The following DYNLL1 variants were observed in gnomAD, a reference collection of about 807,000 sequenced individuals.
The protein encoded by DYNLL1 is dynein light chain LC8-type 1.
Under a neutral mutation model 10.1 loss-of-function variants are expected in DYNLL1, and 3 were observed. The observed-to-expected ratio is 0.30, with a 90% CI of 0.14 to 0.77. DYNLL1 has a LOEUF of 0.77. DYNLL1 is among the 30% of genes least tolerant of loss of function. The pLI is 0.66. For synonymous variants in DYNLL1, 46 were observed against 41.2 expected (o/e 1.12, Z -0.45); for missense variants, 47 against 111.7 (o/e 0.42, Z 2.61).
chr12:120,485,879 T>C (rs1028841304), intron 1 of DYNLL1, among the ~76,000 whole-genome samples: 1 of 148,576 alleles, frequency 6.7e-6, no homozygotes, highest in South Asian at 2.2e-4. Context: ...TACAGTGTGA[T>C]AGGTATTATA....
chr12:120,482,576 C>G (rs911089117), intron 1 of DYNLL1, among the ~76,000 whole-genome samples: 1 of 152,066 alleles, frequency 6.6e-6, no homozygotes, highest in African/African-American at 2.4e-5. Context: ...CCTGCCTCGG[C>G]CTCCCAAAGT....
At chr12:120,482,094 C>T (rs964121971) in intron 1 of DYNLL1, among the ~76,000 whole-genome samples, 1 of 152,142 alleles carries the variant, frequency 6.6e-6, no homozygotes, top group Non-Finnish European at 1.5e-5. Flanking sequence ...AAAGTTTTTC[C>T]TCCCAGACAC....
intron 1 of DYNLL1, among the ~76,000 whole-genome samples, chr12:120,471,440 A>G (rs1266777239): frequency 1.5e-4 from 23 of 152,196 alleles, no homozygotes; most frequent in African/African-American, 5.5e-4. Flanking sequence ...ATCAGAAGGT[A>G]GTTGATTTCT....
chr12:120,480,784 C>T (rs981427883), intron 1 of DYNLL1, among the ~76,000 whole-genome samples: 13 of 147,386 alleles, frequency 8.8e-5, no homozygotes, highest in East Asian at 2.0e-4. Flanking sequence ...TTTTTTGAGA[C>T]GGAGTCTCGC....
upstream of DYNLL1, chr12:120,495,557 C>A (rs1410177608): frequency 6.6e-6 from 1 of 152,174 alleles, no homozygotes. Context: ...ACGTAAGGGT[C>A]CCTCCTGTGA....
chr12:120,496,610 G>C, intron 2 of DYNLL1, 57 bp downstream of exon 2: 2 of 1,613,550 alleles, frequency 1.2e-6, no homozygotes, highest in African/African-American at 1.3e-5. Flanking sequence ...CCTTCCCCCC[G>C]ATCCTGCTTT....
chr12:120,479,876 CAT>C (rs1425897700), intron 1 of DYNLL1, among the ~76,000 whole-genome samples: 7 of 152,174 alleles, frequency 4.6e-5, no homozygotes, highest in Non-Finnish European at 7.3e-5. Flanking sequence ...TTAGATTACA[CAT>C]GTCAGTCCTA....
intron 1 of DYNLL1, among the ~76,000 whole-genome samples, chr12:120,476,593 C>T (rs1450612469): frequency 6.6e-6 from 1 of 152,140 alleles, no homozygotes; most frequent in Non-Finnish European, 1.5e-5. Flanking sequence ...GCTAGAAGGA[C>T]AGCGGATGTT....
At chr12:120,498,044 T>C (rs1452821468) in intron 2 of DYNLL1, 29 bp from the exon 3 acceptor site, 1 of 1,608,630 alleles carries the variant, frequency 6.2e-7, no homozygotes, top group South Asian at 1.1e-5. Context: ...GTAATTAAAA[T>C]CCTAGTTCTT....
At chr12:120,473,231 A>G (rs1354539985) in intron 1 of DYNLL1, among the ~76,000 whole-genome samples, 1 of 152,134 alleles carries the variant, frequency 6.6e-6, no homozygotes, top group African/African-American at 2.4e-5. Flanking sequence ...AACCAGTAGG[A>G]GTTAACCAGG....
At chr12:120,473,465 T>C (rs1213392261) in intron 1 of DYNLL1, among the ~76,000 whole-genome samples, 3 of 151,104 alleles carry the variant, frequency 2.0e-5, no homozygotes, top group African/African-American at 7.3e-5. Flanking sequence ...GAGGTCAAGG[T>C]GGGTGGATCA....
Sources: gnomAD v4.1 joint callset for allele counts (sites outside exome capture counted in the v4.1 genomes callset) on GRCh38, gnomAD v4.1.1 for gene constraint, MANE v1.5 for transcripts, NCBI Gene and HGNC (gene_info 2026-07-23, HGNC 2026-07-21) for gene names.